Variants in RAP1GAP2 observed in about 807,000 individuals in gnomAD.
RAP1GAP2 encodes the protein rap1 GTPase-activating protein 2.
A neutral mutation model predicts 95.0 loss-of-function variants in RAP1GAP2; 27 were observed. That is an observed-to-expected ratio of 0.28 (90% CI 0.21 to 0.39). The LOEUF (loss-of-function observed/expected upper bound fraction) is 0.39, where lower values mean the gene tolerates loss of function less well. Among genes scored for constraint, RAP1GAP2 ranks in the 10% least tolerant of loss-of-function variants. The probability of loss-of-function intolerance (pLI) is 1.00; values close to 1 mark genes in which losing one functional copy is unlikely to be tolerated. For missense variants in RAP1GAP2, 771 were observed against 970.0 expected, an observed-to-expected ratio of 0.79 and a Z score of 2.72; for synonymous variants, 373 against 380.9, an observed-to-expected ratio of 0.98 and a Z score of 0.24.
chr17:2,880,372 G>A (rs2073241468), intron 2 of RAP1GAP2, among the ~76,000 whole-genome samples: 1 of 151,938 alleles, frequency 6.6e-6, no homozygotes, highest in South Asian at 2.1e-4. Context: ...GGTGCGGAGA[G>A]TTGGGTTTGA....
chr17:2,810,554 G>A (rs1206351788), intron 2 of RAP1GAP2, among the ~76,000 whole-genome samples: 5 of 90,658 alleles, frequency 5.5e-5, no homozygotes, highest in Admixed American at 3.4e-4. Context: ...TTTTTGAGAC[G>A]GAGTCTCGCT....
chr17:2,896,377 A>G (rs2041825809), intron 2 of RAP1GAP2, among the ~76,000 whole-genome samples: 1 of 152,144 alleles, frequency 6.6e-6, no homozygotes, highest in Non-Finnish European at 1.5e-5. Flanking sequence ...CTGCTGTGGT[A>G]CTTGGGCCAG....
chr17:2,979,460 G>GTTTT (rs71153320), intron 8 of RAP1GAP2, among the ~76,000 whole-genome samples: 36 of 78,570 alleles, frequency 4.6e-4, no homozygotes, highest in African/African-American at 5.3e-4. Context: ...GGCGTGTTCT[G>GTTTT]TTTTTTTTTT....
intron 18 of RAP1GAP2, among the ~76,000 whole-genome samples, chr17:3,018,591 A>G (rs2046855232): frequency 6.6e-6 from 1 of 152,132 alleles, no homozygotes; most frequent in African/African-American, 2.4e-5. Context: ...TGGCAGCAGT[A>G]GCCACCCCAG....
At chr17:2,831,758 G>A (rs981530269) in intron 2 of RAP1GAP2, among the ~76,000 whole-genome samples, 4 of 152,044 alleles carry the variant, frequency 2.6e-5, no homozygotes. Flanking sequence ...AATTAGATGT[G>A]GTGGTGCACA....
At chr17:2,932,953 G>A (rs117577334) in intron 3 of RAP1GAP2, among the ~76,000 whole-genome samples, 13,091 of 152,198 alleles carry the variant, frequency 0.086, 758 homozygotes, top group Non-Finnish European at 0.14. Context: ...CCAGGCACAG[G>A]TCGAGGCTGG....
At chr17:2,885,787 C>T (rs944569907) in intron 2 of RAP1GAP2, among the ~76,000 whole-genome samples, 1 of 152,248 alleles carries the variant, frequency 6.6e-6, no homozygotes, top group East Asian at 1.9e-4. Flanking sequence ...CCCCTTAATT[C>T]TCAGTGGCTC....
At chr17:2,758,173 C>T (rs998004279) in intron 1 of RAP1GAP2, among the ~76,000 whole-genome samples, 43 of 130,970 alleles carry the variant, frequency 3.3e-4, no homozygotes, top group Middle Eastern at 7.9e-3. Flanking sequence ...CTGGCCACGC[C>T]CCCCCCCCTT....
At chr17:2,837,253 GA>G (rs35688344) in intron 2 of RAP1GAP2, among the ~76,000 whole-genome samples, 1,133 of 112,668 alleles carry the variant, frequency 0.01, 8 homozygotes, top group East Asian at 0.016. Flanking sequence ...TCTGTCTCTG[GA>G]AAAAAAAAAA....
intron 2 of RAP1GAP2, among the ~76,000 whole-genome samples, chr17:2,875,328 AAGTGCTGGGATTACAGGCAT>A (rs1013204953): frequency 9.2e-5 from 14 of 152,254 alleles, no homozygotes; most frequent in African/African-American, 3.1e-4. Flanking sequence ...CGGCCTCCCA[AAGTGCTGGGATTACAGGCAT>A]GAGCCACTGC....
At chr17:2,817,681 C>T (rs113611921) in intron 2 of RAP1GAP2, among the ~76,000 whole-genome samples, 19,409 of 116,834 alleles carry the variant, frequency 0.17, 5,859 homozygotes, top group African/African-American at 0.22. Flanking sequence ...CCACCACACA[C>T]GGCTAAATTT....
rs188037359 is a variant in RAP1GAP2 at position 2,853,898 on chromosome 17, G to C, written c.81-51386G>C. ...GGGGCCCATGCGAGGCGGAGGCCGG[G>C]GGCCGGGGCGCGGGCTCAGGGGCCG... On this transcript the variant is annotated intron_variant, in intron 2 of 24. Coordinates refer to ENST00000254695, the MANE Select transcript of RAP1GAP2 (RefSeq NM_015085.5). 2.8e-3 allele frequency: 2,777 copies of C among 977,278 alleles called. 35 individuals are homozygous for C. The African/African-American group carries it at 0.043, about 15-fold the overall frequency. The allele number at this position is 977,278 out of a possible 1,614,324, so 60.5% of individuals were successfully genotyped here.
rs34324277 is a variant in RAP1GAP2, at chr17:3,008,032, C to T, written c.1381C>T (p.Leu461=). Residue 461 remains leucine (L), a synonymous_variant, in exon 17 of 25, where the codon CTG becomes TTG. Transcript: ENST00000254695. This position sits in a 1 kb window ranked among gnomAD's most constrained non-coding sequence, Gnocchi z 4.2. ...CTAGGACCGGACCAGGGCTGCCCTC[C>T]TGGACAACCTTCACGATGAGCTCCA... The part of the protein sequence containing the change: ...KLEDRTRAAL[L]DNLHDELHAH... 11,010 of 1,613,922 alleles carry T rather than the reference C, an allele frequency of 6.8e-3. 271 individuals carry two copies. The African/African-American group carries it at 0.068, about 10-fold the overall frequency.
chr17:2,808,580 G>C (rs1248336212), intron 2 of RAP1GAP2, among the ~76,000 whole-genome samples: 1 of 152,186 alleles, frequency 6.6e-6, no homozygotes, highest in Admixed American at 6.5e-5. Flanking sequence ...TCGCTGGCCC[G>C]GCTCGGCTCC....
intron 2 of RAP1GAP2, among the ~76,000 whole-genome samples, chr17:2,892,076 G>A (rs941905147): frequency 5.2e-4 from 79 of 151,826 alleles, no homozygotes; most frequent in Admixed American, 7.9e-4. Flanking sequence ...TGCCTGTCTC[G>A]ACCTCCCAAA....
intron 3 of RAP1GAP2, among the ~76,000 whole-genome samples, chr17:2,947,044 C>T (rs530636699): frequency 1.3e-3 from 195 of 152,296 alleles, no homozygotes; most frequent in African/African-American, 4.3e-3. Context: ...CGTGAGCCAC[C>T]GTGCCCGGCC....
At chr17:2,974,597 ATT>A (rs5818884) in intron 8 of RAP1GAP2, among the ~76,000 whole-genome samples, 13 of 149,998 alleles carry the variant, frequency 8.7e-5, no homozygotes, top group African/African-American at 1.7e-4. Context: ...AAAAAGTGGG[ATT>A]TTTTTTTTTG....
intron 2 of RAP1GAP2, among the ~76,000 whole-genome samples, chr17:2,863,024 A>T (rs1230447753): frequency 6.7e-6 from 1 of 148,272 alleles, no homozygotes; most frequent in Non-Finnish European, 1.5e-5. Flanking sequence ...AAAAAAAAGT[A>T]AAGTCAGGCC....
At chr17:3,021,496 G>T (rs908571763) in intron 19 of RAP1GAP2, among the ~76,000 whole-genome samples, 1 of 135,974 alleles carries the variant, frequency 7.4e-6, no homozygotes, top group Non-Finnish European at 1.5e-5. Flanking sequence ...ATGCAGTGGC[G>T]CCATCTTGGC....
Sources: gnomAD v4.1 joint callset for allele counts (sites outside exome capture counted in the v4.1 genomes callset) on GRCh38, gnomAD v4.1.1 for gene constraint, Gnocchi (gnomAD v3.1) non-coding constraint, MANE v1.5 for transcripts, NCBI Gene and HGNC (gene_info 2026-07-23, HGNC 2026-07-21) for gene names.